The following GRID2IP variants were observed in gnomAD, a reference collection of about 807,000 sequenced individuals.
GRID2IP encodes delphilin.
Under a neutral mutation model 114.3 loss-of-function variants are expected in GRID2IP, and 78 were observed. That is an observed-to-expected ratio of 0.68 (90% CI 0.57 to 0.82). The LOEUF is 0.82. GRID2IP is among the 40% of genes least tolerant of loss of function. The pLI, the probability that GRID2IP is intolerant of heterozygous loss-of-function variation, is 0.00. For missense variants in GRID2IP, 1,727 were observed against 1,678.5 expected, an observed-to-expected ratio of 1.03 and a Z score of -0.51; for synonymous variants, 809 against 724.0, an observed-to-expected ratio of 1.12 and a Z score of -1.89.
At chr7:6,529,675 C>T (rs554475534) in intron 2 of GRID2IP, among the ~76,000 whole-genome samples, 1 of 152,168 alleles carries the variant, frequency 6.6e-6, no homozygotes, top group Non-Finnish European at 1.5e-5. Context: ...ATCGACTGAC[C>T]CAGCAGAGCC....
rs750828813 is a variant in GRID2IP, at chr7:6,521,542, C to T, written c.990-19G>A. 21 of 1,523,702 alleles carry T rather than the reference C, an allele frequency of 1.4e-5. No individual in the cohort carries two copies. Among genetic ancestry groups the T allele is most frequent in the Non-Finnish European group, 1.8e-5 (20 of 1,129,820 alleles). 94.4% of individuals were successfully genotyped at this position (1,523,702 alleles called of 1,614,324 possible). A position where few individuals can be genotyped will look rare whatever the true frequency, so the allele number is the denominator to read the frequency against. ...GCAGTTCCTGCCAAGCAGAGATGGCCCAGGAGGGCCTGACTGGGGTGAGCC... is the reference window on the plus strand; with the variant it reads ...GCAGTTCCTGCCAAGCAGAGATGGCTCAGGAGGGCCTGACTGGGGTGAGCC... On this transcript the variant is annotated intron_variant, in intron 5 of 21. Coordinates refer to ENST00000457091, the MANE Select transcript of GRID2IP (RefSeq NM_001145118.2). The surrounding 1 kb of genome is among the most constrained non-coding windows in gnomAD (Gnocchi z 4.1).
In GRID2IP at chr7:6,509,918, T is replaced by C. The variant is rs1786717409; in HGVS notation, c.1771+365A>G. On this transcript the variant is annotated intron_variant, in intron 11 of 21. Transcript: ENST00000457091. The surrounding 1 kb of genome is among the most constrained non-coding windows in gnomAD (Gnocchi z 4.9). ...GAAATAGCTCACTGCAGCCTTGAAC[T>C]CCTGGGCTCAAGTGATCCTCCCGCC... 6.6e-6 allele frequency among the ~76,000 whole-genome samples: 1 copy of C among 152,218 alleles called. No homozygotes were observed. Among genetic ancestry groups the C allele is most frequent in the South Asian group, 2.1e-4 (1 of 4,834 alleles).
chr7:6,502,843 G>A lies in GRID2IP; in HGVS notation c.3093C>T (p.Asn1031=), dbSNP rs201370258. Residue 1031 remains asparagine, a synonymous_variant, in exon 18 of 22, where the codon AAC becomes AAT. Coordinates refer to ENST00000457091, the MANE Select transcript of GRID2IP (RefSeq NM_001145118.2). ...EFVLAMGNYL[N]DGQPKTNKTT... ...TCTTGTTGGTTTTGGGCTGTCCATC[G>A]TTGAGATAGTTGCCCATGGCCAACA... 30 of 1,551,900 alleles carry A rather than the reference G, an allele frequency of 1.9e-5. No individual in the cohort carries two copies. The highest frequency in any genetic ancestry group is 2.3e-5 in the Non-Finnish European group (26 of 1,147,008).
Position 6,526,594 on chromosome 7 carries a change from G to T in GRID2IP, c.760C>A (p.Arg254Ser). The change falls in exon 3 of 22, where the codon CGC becomes AGC. Residue 254 changes from arginine to serine, a missense_variant. Coordinates refer to ENST00000457091, the MANE Select transcript of GRID2IP (RefSeq NM_001145118.2). The surrounding 1 kb of genome is among the most constrained non-coding windows in gnomAD (Gnocchi z 7.6). Reference sequence around the variant, plus strand: ...CTGCGCGGGGGCGGCTCATCGGGGCGGCGCGGCGGGGCGCTGGCGCGCGTG... The same window carrying T: ...CTGCGCGGGGGCGGCTCATCGGGGCTGCGCGGCGGGGCGCTGGCGCGCGTG... ...VSTRASAPPR[R>S]PDEPPPRRAS... is the part of the protein sequence containing the mutation. 8.4e-7 allele frequency: 1 copy of T among 1,189,806 alleles called. No individual in the cohort carries two copies. Among genetic ancestry groups the T allele is most frequent in the South Asian group, 4.1e-5 (1 of 24,132 alleles). 73.7% of individuals were successfully genotyped at this position (1,189,806 alleles called of 1,614,324 possible).
chr7:6,517,346 C>A (rs139023651), intron 7 of GRID2IP, among the ~76,000 whole-genome samples: 3,629 of 152,074 alleles, frequency 0.024, 80 homozygotes, highest in Middle Eastern at 0.041. Flanking sequence ...CATGAGCCAC[C>A]GCGCCCAGCC....
intron 20 of GRID2IP, among the ~76,000 whole-genome samples, chr7:6,500,602 A>G (rs1419287222): frequency 1.3e-5 from 2 of 151,918 alleles, no homozygotes; most frequent in African/African-American, 2.4e-5. Flanking sequence ...TCTGACATCA[A>G]ATTCCTACTC....
chr7:6,502,677 C>T, intron 18 of GRID2IP, 109 bp downstream of exon 18: 4 of 701,020 alleles, frequency 5.7e-6, no homozygotes, highest in Admixed American at 2.3e-5. Context: ...GGAGAGCCCT[C>T]CTTGGTCACG....
At chr7:6,510,555 C>A (rs1269119761) in intron 10 of GRID2IP, 54 bp downstream of exon 10, 1 of 1,401,212 alleles carries the variant, frequency 7.1e-7, no homozygotes, top group African/African-American at 1.5e-5. Context: ...GTCCTATGGA[C>A]CGTCCATTCC....
intron 1 of GRID2IP, among the ~76,000 whole-genome samples, chr7:6,548,500 T>C (rs1293132890): frequency 2.6e-5 from 4 of 152,024 alleles, no homozygotes; most frequent in Non-Finnish European, 5.9e-5. Flanking sequence ...CCCATAAATA[T>C]ATACACGTAT....
At chr7:6,505,669 T>G in intron 14 of GRID2IP, 151 bp downstream of exon 14, 1 of 626,958 alleles carries the variant, frequency 1.6e-6, no homozygotes, top group Non-Finnish European at 2.9e-6. Context: ...GTGCCCGGCC[T>G]AAATGCCAGC....
At chr7:6,539,667 C>A in intron 2 of GRID2IP, 51 bp downstream of exon 2, 1 of 1,487,066 alleles carries the variant, frequency 6.7e-7, no homozygotes. Context: ...GGAATGATGG[C>A]TCTAAGTGAG....
At position 6,510,327 on chromosome 7, in the gene GRID2IP, T is replaced by C; in HGVS notation, c.1727A>G (p.Lys576Arg). 1 of 1,547,792 alleles carries C rather than the reference T, an allele frequency of 6.5e-7. No individual in the cohort carries two copies. Residue 576 changes from lysine (K) to arginine (R), a missense_variant, in exon 11 of 22, where the codon AAA (lysine) becomes AGA (arginine). Physicochemically the swap from Lys to Arg is conservative, Grantham distance 26 (BLOSUM62 2). Transcript: ENST00000457091. ...GGGGCCTGGAGGGGAAGCCCGGGAT[T>C]TGGACACGGTCCCCATCTTCCCTTT... ...SFKGKMGTVSKSRASPPGPSP... is the reference protein window; with the variant it reads ...SFKGKMGTVSRSRASPPGPSP...
intron 2 of GRID2IP, among the ~76,000 whole-genome samples, chr7:6,533,823 G>C (rs1052655139): frequency 3.3e-5 from 5 of 150,946 alleles, no homozygotes; most frequent in Non-Finnish European, 7.4e-5. Context: ...TTTTTTATAT[G>C]TATTTTTTGT....
rs981762182 is a variant in GRID2IP at position 6,526,112 on chromosome 7, G to T, written c.919+112C>A. The T allele has an allele frequency of 2.6e-5, 20 of 772,696 alleles. No individual in the cohort carries two copies. The highest frequency in any genetic ancestry group is 3.8e-5 in the Non-Finnish European group (17 of 449,588). 47.9% of individuals were successfully genotyped at this position (772,696 alleles called of 1,614,324 possible). A position where few individuals can be genotyped will look rare whatever the true frequency, so the allele number is the denominator to read the frequency against. On this transcript the variant is annotated intron_variant, in intron 4 of 21. Transcript: ENST00000457091. This position sits in a 1 kb window ranked among gnomAD's most constrained non-coding sequence, Gnocchi z 7.6. ...ACAAGGATGGTACCTGACGTGGAGG[G>T]GTTGCTGAGCAGGAGCCTACATGGG...
chr7:6,531,802 G>A (rs1322647305), intron 2 of GRID2IP, among the ~76,000 whole-genome samples: 3 of 152,204 alleles, frequency 2.0e-5, no homozygotes, highest in Non-Finnish European at 4.4e-5. Flanking sequence ...GACTCCAAAG[G>A]TTTTGGCACA....
chr7:6,550,622 C>G (rs964360481), intron 1 of GRID2IP, among the ~76,000 whole-genome samples: 1 of 144,368 alleles, frequency 6.9e-6, no homozygotes, highest in Non-Finnish European at 1.5e-5. Context: ...ACCAGACTGA[C>G]CAACATGGTG....
In GRID2IP at chr7:6,518,063, T is replaced by TA. The variant is rs759501165; in HGVS notation, c.1268+2514dup. 6.9e-3 allele frequency among the ~76,000 whole-genome samples: 922 copies of TA among 134,028 alleles called. 4 individuals are homozygous for TA. Among genetic ancestry groups the TA allele is most frequent in the African/African-American group, 0.018 (650 of 36,614 alleles). The allele number at this position is 134,028 out of a possible 152,430, so 87.9% of individuals were successfully genotyped here. ...CAACATGGCAAAACCCTGTCTCTAC[T>TA]AAAAAAAAAAAAAAAATTAGCTGGG... On this transcript the variant is annotated intron_variant, in intron 7 of 21. Coordinates refer to ENST00000457091, the MANE Select transcript of GRID2IP (RefSeq NM_001145118.2).
chr7:6,524,884 T>A (rs1426243103), intron 4 of GRID2IP, among the ~76,000 whole-genome samples: 13 of 151,582 alleles, frequency 8.6e-5, no homozygotes, highest in African/African-American at 1.2e-4. Context: ...ACCTGGCTAA[T>A]TTTTTTCTGT....
rs936975284 is a variant in GRID2IP, at chr7:6,551,240, A to C, written c.197T>G (p.Val66Gly). 2 of 1,530,656 alleles carry C rather than the reference A, an allele frequency of 1.3e-6. No homozygotes were observed. Among genetic ancestry groups the C allele is most frequent in the Non-Finnish European group, 1.7e-6 (2 of 1,144,160 alleles). 94.8% of individuals were successfully genotyped at this position (1,530,656 alleles called of 1,614,324 possible). Reference sequence around the variant, plus strand: ...ACGTGGGCAGCGCCGTGCCAGGCGCACGAGGCGCTCGCGGCTCAGACCGCC... The same window carrying C: ...ACGTGGGCAGCGCCGTGCCAGGCGCCCGAGGCGCTCGCGGCTCAGACCGCC... ...AVGGLSRERL[V>G]RLARRCPRVP... The change falls in exon 1 of 22, where the codon GTG becomes GGG. Residue 66 changes from valine to glycine, a missense_variant. Physicochemically the swap from Val to Gly is moderately radical, Grantham distance 109. Coordinates refer to ENST00000457091, the MANE Select transcript of GRID2IP (RefSeq NM_001145118.2).
Sources: allele counts gnomAD v4.1 joint callset (sites outside exome capture counted in the v4.1 genomes callset), GRCh38; gene constraint gnomAD v4.1.1; non-coding constraint Gnocchi (gnomAD v3.1); transcripts MANE v1.5; gene names NCBI Gene and HGNC (gene_info 2026-07-23, HGNC 2026-07-21).